CEP135: variants seen among roughly 807,000 people sequenced by gnomAD.
CEP135 encodes the protein centrosomal protein of 135 kDa.
A neutral mutation model predicts 157.3 loss-of-function variants in CEP135; 142 were observed. The ratio of observed to expected loss-of-function variants is 0.90; its 90% confidence interval spans 0.79 to 1.04. The LOEUF (loss-of-function observed/expected upper bound fraction) is 1.04. CEP135 is among the 50% of genes least tolerant of loss of function. The pLI is 0.00. For synonymous variants in CEP135, 396 were observed against 439.8 expected (o/e 0.90, Z 1.25); for missense variants, 1,317 against 1,309.2 (o/e 1.01, Z -0.09).
intron 10 of CEP135, 69 bp downstream of exon 10, chr4:55,971,477 A>G (rs1056261488): frequency 6.5e-6 from 9 of 1,394,464 alleles, no homozygotes; most frequent in Non-Finnish European, 8.7e-6. Flanking sequence ...TTTTCTTAGT[A>G]GATATTCATT....
At chr4:55,973,517 A>G (rs1729094558) in intron 10 of CEP135, among the ~76,000 whole-genome samples, 1 of 152,154 alleles carries the variant, frequency 6.6e-6, no homozygotes, top group African/African-American at 2.4e-5. Context: ...TCAATGCAGG[A>G]ATGCCCCTCT....
In CEP135 at chr4:56,011,426, A is replaced by T; in HGVS notation, c.2520A>T (p.Glu840Asp). ...MARENQEISL[E>D]LEAAVQEKEE... is the part of the protein sequence containing the mutation. ...CTGATTTGTAGGAAATCTCATTGGAATTGGAAGCAGCAGTGCAAGAAAAAG... is the reference window on the plus strand; with the variant it reads ...CTGATTTGTAGGAAATCTCATTGGATTTGGAAGCAGCAGTGCAAGAAAAAG... Residue 840 changes from glutamate (E) to aspartate (D), a missense_variant, in exon 20 of 26, where the codon GAA becomes GAT. Glu to Asp is a conservative substitution (Grantham distance 45, BLOSUM62 2). Coordinates refer to ENST00000257287, the MANE Select transcript of CEP135 (RefSeq NM_025009.5). 1 of 1,608,254 alleles carries T rather than the reference A, an allele frequency of 6.2e-7. No individual in the cohort carries two copies. The highest frequency in any genetic ancestry group is 8.5e-7 in the Non-Finnish European group (1 of 1,177,870).
chr4:56,015,037 G>A (rs1465070511), intron 21 of CEP135, among the ~76,000 whole-genome samples: 1 of 151,770 alleles, frequency 6.6e-6, no homozygotes, highest in South Asian at 2.1e-4. Flanking sequence ...GTAAGACCTT[G>A]TCTCAAAAAA....
At chr4:56,009,555 T>C (rs1327082344) in intron 18 of CEP135, among the ~76,000 whole-genome samples, 180 bp from the exon 19 acceptor site, 1 of 152,204 alleles carries the variant, frequency 6.6e-6, no homozygotes, top group African/African-American at 2.4e-5. Context: ...CATGTAATTA[T>C]TGGTAGAGCT....
intron 7 of CEP135, 41 bp downstream of exon 7, chr4:55,964,443 G>A: frequency 6.7e-7 from 1 of 1,494,292 alleles, no homozygotes. Flanking sequence ...GTATATAATG[G>A]TGTTTATAAT....
intron 4 of CEP135, among the ~76,000 whole-genome samples, chr4:55,956,900 C>T (rs1258073913): frequency 1.3e-5 from 2 of 152,154 alleles, no homozygotes; most frequent in Non-Finnish European, 2.9e-5. Flanking sequence ...AGGTGTGAGC[C>T]GCCATACCTG....
At chr4:55,971,847 A>G (rs991786435) in intron 10 of CEP135, among the ~76,000 whole-genome samples, 5 of 152,170 alleles carry the variant, frequency 3.3e-5, no homozygotes, top group Admixed American at 6.5e-5. Context: ...ACTTGGCATC[A>G]GGAACATATA....
intron 6 of CEP135, 71 bp downstream of exon 6, chr4:55,959,837 A>T: frequency 8.4e-7 from 1 of 1,193,558 alleles, no homozygotes; most frequent in Non-Finnish European, 1.2e-6. Context: ...GAATTGGGTT[A>T]TATTTGAAAT....
At chr4:55,961,149 TTA>T (rs1728668196) in intron 6 of CEP135, among the ~76,000 whole-genome samples, 1 of 149,800 alleles carries the variant, frequency 6.7e-6, no homozygotes, top group African/African-American at 2.4e-5. Flanking sequence ...CCCAAAAACC[TTA>T]CTTCATGAAG....
rs150419488 is a variant in CEP135, at chr4:55,990,943, T to A, written c.1858-991T>A. Among the ~76,000 whole-genome samples the A allele has an allele frequency of 3.0e-3, 462 of 152,342 alleles. 1 individual carries two copies. The highest frequency in any genetic ancestry group is 8.2e-3 in the Admixed American group (126 of 15,308). On this transcript the variant is annotated intron_variant, in intron 14 of 25. Coordinates refer to ENST00000257287, the MANE Select transcript of CEP135 (RefSeq NM_025009.5). ...TCACTTTCATAAATTTGCTTGCGCA[T>A]TTGTATGTGAAATCTTCACTGTTCT...
chr4:55,959,905 T>C (rs1244634547), intron 6 of CEP135, 139 bp downstream of exon 6: 4 of 742,174 alleles, frequency 5.4e-6, no homozygotes. Flanking sequence ...GTTAATAGAG[T>C]TAATAGCTGG....
intron 4 of CEP135, among the ~76,000 whole-genome samples, 155 bp from the exon 5 acceptor site, chr4:55,957,068 A>G (rs970058793): frequency 2.6e-5 from 4 of 152,214 alleles, no homozygotes; most frequent in African/African-American, 9.7e-5. Context: ...GTTAAAGATC[A>G]GGGTGGATAT....
chr4:55,958,822 G>A (rs767541649), intron 5 of CEP135, among the ~76,000 whole-genome samples: 24 of 152,112 alleles, frequency 1.6e-4, no homozygotes, highest in Admixed American at 1.0e-3. Flanking sequence ...TGTGGTTCAC[G>A]CCTGTAATCC....
intron 8 of CEP135, among the ~76,000 whole-genome samples, chr4:55,967,983 T>C (rs1341873178): frequency 6.6e-6 from 1 of 152,200 alleles, no homozygotes; most frequent in Non-Finnish European, 1.5e-5. Flanking sequence ...ATTATCTCTG[T>C]TTACAGATGG....
chr4:55,974,640 AT>A, intron 10 of CEP135, 105 bp from the exon 11 acceptor site: 1 of 799,778 alleles, frequency 1.3e-6, no homozygotes, highest in Non-Finnish European at 2.0e-6. Context: ...AGAACAGTTC[AT>A]GATTTCTAGT....
chr4:55,964,470 T>TA, intron 7 of CEP135, 68 bp downstream of exon 7: 1 of 1,320,916 alleles, frequency 7.6e-7, no homozygotes, highest in Non-Finnish European at 1.0e-6. Flanking sequence ...TATATGTTTA[T>TA]AATGGTCTAT....
intron 15 of CEP135, among the ~76,000 whole-genome samples, 153 bp from the exon 16 acceptor site, chr4:55,999,149 A>G (rs528964036): frequency 6.6e-6 from 1 of 152,360 alleles, no homozygotes; most frequent in East Asian, 1.9e-4. Context: ...ATAATAATAT[A>G]TAATGCCATA....
chr4:55,966,384 G>A (rs1204953517), intron 8 of CEP135: 1 of 153,792 alleles, frequency 6.5e-6, no homozygotes, highest in African/African-American at 2.4e-5. Context: ...TAGAGATGGG[G>A]TCTCACCATG....
rs537366166 is a variant in CEP135, at chr4:56,029,521, T to C, written c.*12-1839T>C. Among the ~76,000 whole-genome samples, 31 of 152,314 alleles carry C rather than the reference T, an allele frequency of 2.0e-4. 1 individual carries two copies. The highest frequency in any genetic ancestry group is 7.2e-4 in the African/African-American group (30 of 41,564). On this transcript the variant is annotated intron_variant, in intron 25 of 25. Transcript: ENST00000257287. ...CCAAGAACCAGGGGCAGAGACCCAA[T>C]ATATACAGTCATGCATTGCTTAACA... is the stretch of plus-strand genomic sequence containing the variant.
Sources: allele counts gnomAD v4.1 joint callset (sites outside exome capture counted in the v4.1 genomes callset), GRCh38; gene constraint gnomAD v4.1.1; transcripts MANE v1.5; gene names NCBI Gene and HGNC (gene_info 2026-07-23, HGNC 2026-07-21).